The following ACTR3C variants were observed in gnomAD, a reference collection of about 807,000 sequenced individuals.
The protein encoded by ACTR3C is actin related protein 3C.
A neutral mutation model predicts 26.3 loss-of-function variants in ACTR3C; 18 were observed. The observed-to-expected ratio is 0.68, with a 90% CI of 0.47 to 1.01. ACTR3C has a LOEUF of 1.01. Among genes scored for constraint, ACTR3C ranks in the 50% least tolerant of loss-of-function variants. The pLI, the probability that ACTR3C is intolerant of heterozygous loss-of-function variation, is 0.00. For missense variants in ACTR3C, 184 were observed against 250.7 expected (o/e 0.73, Z 1.80); for synonymous variants, 55 against 94.5 (o/e 0.58, Z 2.42).
the ACTR3C span, among the ~76,000 whole-genome samples, chr7:150,163,364 GTATA>G: frequency 1.0e-4 from 15 of 149,354 alleles, no homozygotes; most frequent in South Asian, 2.1e-4. Flanking sequence ...GTGTGTGTGT[GTATA>G]TATATATATG....
intron 6 of ACTR3C, among the ~76,000 whole-genome samples, chr7:150,266,765 C>T (rs1306065855): frequency 6.6e-6 from 1 of 152,158 alleles, no homozygotes; most frequent in African/African-American, 2.4e-5. Flanking sequence ...GCAAAAGATT[C>T]AAATGGACAT....
At chr7:150,181,709 T>TA in the ACTR3C span, among the ~76,000 whole-genome samples, 3 of 150,794 alleles carry the variant, frequency 2.0e-5, no homozygotes, top group South Asian at 2.1e-4. Flanking sequence ...TTACAAATTT[T>TA]AAAAAACATA....
chr7:150,017,319 C>T, the ACTR3C span, among the ~76,000 whole-genome samples: 1,448 of 151,774 alleles, frequency 9.5e-3, 27 homozygotes, highest in African/African-American at 0.033. Context: ...GTATTTGGTG[C>T]CTTTCTTAAA....
intron 1 of ACTR3C, among the ~76,000 whole-genome samples, chr7:150,316,483 A>ATTTT (rs35767189): frequency 5.0e-5 from 4 of 80,522 alleles, no homozygotes; most frequent in Admixed American, 1.3e-4. Flanking sequence ...GAATCTGGTT[A>ATTTT]TTTTTTTTTT....
the ACTR3C span, among the ~76,000 whole-genome samples, chr7:149,952,211 G>C: frequency 6.6e-6 from 1 of 150,742 alleles, no homozygotes; most frequent in Non-Finnish European, 1.5e-5. Flanking sequence ...CTAAAACAAG[G>C]ATTTTGAGAA....
chr7:150,172,332 C>T, the ACTR3C span, among the ~76,000 whole-genome samples: 2 of 150,472 alleles, frequency 1.3e-5, no homozygotes, highest in Non-Finnish European at 2.9e-5. Flanking sequence ...AGGTGAAAGG[C>T]ACTTCTTACG....
Position 150,274,290 on chromosome 7 carries a change from G to A in ACTR3C, c.564+10463C>T, listed in dbSNP as rs1455030346. On this transcript the variant is annotated intron_variant, in intron 6 of 7. Coordinates refer to ENST00000683684, the MANE Select transcript of ACTR3C (RefSeq NM_001164458.2). This position sits in a 1 kb window ranked among gnomAD's most constrained non-coding sequence, Gnocchi z 4.1. ...GAAACGGCACCAAGCAGGTCTGTCA[G>A]CGCCATTTTCCCAAAAGCACACGCT... 2.6e-5 allele frequency among the ~76,000 whole-genome samples: 4 copies of A among 152,172 alleles called. No individual in the cohort carries two copies. Among genetic ancestry groups the A allele is most frequent in the African/African-American group, 9.7e-5 (4 of 41,420 alleles).
chr7:150,018,001 C>G, the ACTR3C span, among the ~76,000 whole-genome samples: 1 of 150,268 alleles, frequency 6.7e-6, no homozygotes, highest in Admixed American at 6.6e-5. Context: ...GAACAGGTAA[C>G]AGGTGCCCAA....
chr7:149,894,838 A>G, the ACTR3C span, among the ~76,000 whole-genome samples: 2 of 151,968 alleles, frequency 1.3e-5, no homozygotes, highest in Non-Finnish European at 2.9e-5. Context: ...AGGCTCCTCA[A>G]ACAATTAAAA....
the ACTR3C span, among the ~76,000 whole-genome samples, chr7:150,151,183 T>C: frequency 7.6e-6 from 1 of 131,984 alleles, no homozygotes. Flanking sequence ...TTTCTATTTT[T>C]CTTAGTTTCT....
At chr7:149,964,829 C>T in the ACTR3C span, among the ~76,000 whole-genome samples, 1 of 151,932 alleles carries the variant, frequency 6.6e-6, no homozygotes, top group East Asian at 1.9e-4. Context: ...TGTCTCAATA[C>T]AAATTGTGAC....
At chr7:150,130,577 T>A in the ACTR3C span, among the ~76,000 whole-genome samples, 287 of 152,340 alleles carry the variant, frequency 1.9e-3, 1 homozygote, top group Middle Eastern at 6.8e-3. Context: ...TTTGTCACAA[T>A]CTGCCAGTTT....
the ACTR3C span, among the ~76,000 whole-genome samples, chr7:150,173,012 C>T: frequency 6.7e-6 from 1 of 149,384 alleles, no homozygotes; most frequent in Non-Finnish European, 1.5e-5. Flanking sequence ...CTTTCACAGG[C>T]TGGCACTGAG....
At chr7:150,263,977 C>G (rs183789130) in intron 6 of ACTR3C, among the ~76,000 whole-genome samples, 1 of 152,206 alleles carries the variant, frequency 6.6e-6, no homozygotes, top group East Asian at 1.9e-4. Flanking sequence ...GAGCTCTCAG[C>G]GGGGGCTAAG....
chr7:150,150,333 C>G, the ACTR3C span, among the ~76,000 whole-genome samples: 1 of 152,208 alleles, frequency 6.6e-6, no homozygotes, highest in Non-Finnish European at 1.5e-5. Flanking sequence ...CTTTCTCTCC[C>G]GCTGGTCTTG....
chr7:149,931,729 A>G, the ACTR3C span, among the ~76,000 whole-genome samples: 3 of 152,206 alleles, frequency 2.0e-5, no homozygotes, highest in African/African-American at 7.2e-5. Context: ...ATTGAAGAAT[A>G]TATTGTTCTG....
chr7:150,050,229 A>G, the ACTR3C span, among the ~76,000 whole-genome samples: 1 of 152,238 alleles, frequency 6.6e-6, no homozygotes, highest in Admixed American at 6.5e-5. Context: ...TACATATGCT[A>G]TCTATGAAAT....
chr7:150,258,792 G>A (rs1263123170), intron 6 of ACTR3C, among the ~76,000 whole-genome samples: 2 of 150,672 alleles, frequency 1.3e-5, no homozygotes, highest in Non-Finnish European at 2.9e-5. Context: ...GGTGATCCCT[G>A]TTATGTCTCC....
chr7:150,047,638 G>A, the ACTR3C span: 3 of 1,045,638 alleles, frequency 2.9e-6, no homozygotes, highest in South Asian at 8.9e-5. Flanking sequence ...CTCCGCGCCT[G>A]GTACTGGAAC....
Sources: allele counts gnomAD v4.1 joint callset (sites outside exome capture counted in the v4.1 genomes callset), GRCh38; gene constraint gnomAD v4.1.1; non-coding constraint Gnocchi (gnomAD v3.1); transcripts MANE v1.5; gene names NCBI Gene and HGNC (gene_info 2026-07-23, HGNC 2026-07-21).